Variants in CSF2RA observed in about 807,000 individuals in gnomAD.
The protein encoded by CSF2RA is colony stimulating factor 2 receptor subunit alpha, also known as granulocyte-macrophage colony-stimulating factor receptor subunit alpha.
A neutral mutation model predicts 51.6 loss-of-function variants in CSF2RA; 42 were observed. The observed-to-expected ratio is 0.81, with a 90% CI of 0.64 to 1.05. The LOEUF is 1.05. Among genes scored for constraint, CSF2RA ranks in the 50% least tolerant of loss-of-function variants. CSF2RA has a pLI of 0.00. For synonymous variants in CSF2RA, 222 were observed against 193.0 expected (o/e 1.15, Z -1.24); for missense variants, 530 against 501.1 (o/e 1.06, Z -0.55).
At chrX:1,302,958 G>A (rs1435539761) in intron 10 of CSF2RA, 23 of 250,208 alleles carry the variant, frequency 9.2e-5, no homozygotes, top group Non-Finnish European at 1.3e-4. Context: ...TGCAACCTCC[G>A]CCTCCCGGGT....
At chrX:1,323,837 A>AC in the CSF2RA span, among the ~76,000 whole-genome samples, 3 of 151,570 alleles carry the variant, frequency 2.0e-5, no homozygotes, top group South Asian at 2.1e-4. Context: ...ACACGGTGAA[A>AC]CCCCGTCTCT....
chrX:1,288,629 T>C lies in CSF2RA; in HGVS notation c.330T>C (p.Leu110=). 1 of 1,613,936 alleles carries C rather than the reference T, an allele frequency of 6.2e-7. No homozygotes were observed. The highest frequency in any genetic ancestry group is 8.5e-7 in the Non-Finnish European group (1 of 1,179,848). The change falls in exon 5 of 13, where the codon CTT becomes CTC. Residue 110 remains leucine (L), a synonymous_variant. Transcript: ENST00000381529. The part of the protein sequence containing the change: ...TSQRGFQQKL[L]YPNSGREGTA... ...AAAGAGGATTTCAACAGAAACTGCT[T>C]TATCCAAATTCAGGTAAGCAAGACA... is the stretch of plus-strand genomic sequence containing the variant.
the CSF2RA span, among the ~76,000 whole-genome samples, chrX:1,315,772 TAGA>T: frequency 2.9e-4 from 1 of 3,472 alleles, no homozygotes; most frequent in Non-Finnish European, 1.2e-3. Context: ...AAATAGATAA[TAGA>T]TAGATAGATA....
At chrX:1,314,891 A>T (rs1443761809), downstream of CSF2RA, among the ~76,000 whole-genome samples, 17 of 65,488 alleles carry the variant, frequency 2.6e-4, no homozygotes, top group South Asian at 1.4e-3. Flanking sequence ...GCCCAACCAC[A>T]CTGAACCTGC....
downstream of CSF2RA, among the ~76,000 whole-genome samples, chrX:1,310,983 C>G (rs764135711): frequency 2.6e-5 from 4 of 152,022 alleles, no homozygotes; most frequent in East Asian, 7.8e-4. Context: ...CATGGTGGCT[C>G]ACGCCTGTAA....
the CSF2RA span, among the ~76,000 whole-genome samples, chrX:1,320,731 T>C: frequency 5.0e-3 from 756 of 149,858 alleles, 9 homozygotes; most frequent in African/African-American, 0.018. Context: ...CAGGATGGTC[T>C]CGATCCCCTG....
At chrX:1,269,450 G>C (rs189500435) in intron 1 of CSF2RA, among the ~76,000 whole-genome samples, 1 of 151,582 alleles carries the variant, frequency 6.6e-6, no homozygotes, top group Non-Finnish European at 1.5e-5. Flanking sequence ...GAGAAACCCC[G>C]TCTCTACTAA....
At chrX:1,275,164 G>A (rs1301264307) in intron 2 of CSF2RA, among the ~76,000 whole-genome samples, 173 of 151,684 alleles carry the variant, frequency 1.1e-3, no homozygotes, top group Non-Finnish European at 1.7e-3. Context: ...AGGCTGAGGC[G>A]GGGGGATCAT....
intron 2 of CSF2RA, among the ~76,000 whole-genome samples, chrX:1,279,306 C>A (rs1257051530): frequency 6.6e-6 from 1 of 151,964 alleles, no homozygotes; most frequent in African/African-American, 2.4e-5. Context: ...GCCGAGATGG[C>A]ACCACTGCAC....
chrX:1,286,133 G>A (rs185914855), intron 4 of CSF2RA, among the ~76,000 whole-genome samples: 35 of 151,590 alleles, frequency 2.3e-4, no homozygotes, highest in African/African-American at 6.8e-4. Flanking sequence ...TTAGCCGGGC[G>A]TGCTGGTGCA....
chrX:1,282,627 A>G, intron 2 of CSF2RA, 51 bp from the exon 3 acceptor site: 1 of 1,321,704 alleles, frequency 7.6e-7, no homozygotes, highest in Non-Finnish European at 1.1e-6. Context: ...CCTGCCAGGA[A>G]TGTCCTGGGA....
At chrX:1,299,938 C>T (rs1488271109) in intron 9 of CSF2RA, among the ~76,000 whole-genome samples, 2 of 151,170 alleles carry the variant, frequency 1.3e-5, no homozygotes. Flanking sequence ...ATAAAAGAGG[C>T]CGGGCGTGGT....
chrX:1,296,077 C>G (rs2091922131), intron 9 of CSF2RA, among the ~76,000 whole-genome samples: 2 of 150,192 alleles, frequency 1.3e-5, no homozygotes, highest in African/African-American at 2.5e-5. Flanking sequence ...ACCCATGAGC[C>G]CTGGCATAAC....
In CSF2RA at chrX:1,309,661, C is replaced by T. The variant is rs780615613; in HGVS notation, c.*182C>T. 423 of 1,386,852 alleles carry T rather than the reference C, an allele frequency of 3.1e-4. No individual in the cohort carries two copies. The highest frequency in any genetic ancestry group is 3.9e-4 in the Non-Finnish European group (385 of 975,078). The allele number at this position is 1,386,852 out of a possible 1,614,324, so 85.9% of individuals were successfully genotyped here. A position where few individuals can be genotyped will look rare whatever the true frequency, so the allele number is the denominator to read the frequency against. On this transcript the variant is annotated 3_prime_UTR_variant, in exon 13 of 13. Transcript: ENST00000381529. ...CAGCACTTTGGGAGGCCAAGGCAGGCGGATCACCTGAGGTCAGGAGTTCAA... is the reference window on the plus strand; with the variant it reads ...CAGCACTTTGGGAGGCCAAGGCAGGTGGATCACCTGAGGTCAGGAGTTCAA...
intron 6 of CSF2RA, 148 bp downstream of exon 6, chrX:1,289,036 A>T: frequency 9.2e-7 from 1 of 1,081,904 alleles, no homozygotes; most frequent in South Asian, 1.4e-5. Flanking sequence ...ACCTCGGCTC[A>T]CTGCAACCTC....
chrX:1,322,757 C>G, the CSF2RA span, among the ~76,000 whole-genome samples: 1 of 151,952 alleles, frequency 6.6e-6, no homozygotes, highest in Non-Finnish European at 1.5e-5. Flanking sequence ...AACAGTGACC[C>G]TTAACATTTA....
At chrX:1,288,473 C>G in intron 4 of CSF2RA, 46 bp from the exon 5 acceptor site, 1 of 1,613,570 alleles carries the variant, frequency 6.2e-7, no homozygotes, top group Non-Finnish European at 8.5e-7. Context: ...CTGTAGGAGA[C>G]AGAAGGTTGT....
intron 1 of CSF2RA, among the ~76,000 whole-genome samples, chrX:1,269,630 AGAAAAAG>A (rs1229625999): frequency 3.1e-4 from 36 of 116,638 alleles, no homozygotes; most frequent in African/African-American, 5.6e-4. Context: ...CTCAAAAAAA[AGAAAAAG>A]AAAAAAAAAG....
the CSF2RA span, among the ~76,000 whole-genome samples, chrX:1,319,888 T>C: frequency 8.0e-6 from 1 of 124,362 alleles, no homozygotes; most frequent in Non-Finnish European, 1.6e-5. Flanking sequence ...CTAATTTGTT[T>C]GTTTGTTTGT....
Sources: gnomAD v4.1 joint callset for allele counts (sites outside exome capture counted in the v4.1 genomes callset) on GRCh38, gnomAD v4.1.1 for gene constraint, MANE v1.5 for transcripts, NCBI Gene and HGNC (gene_info 2026-07-23, HGNC 2026-07-21) for gene names.